FOXP1: variants seen among roughly 807,000 people sequenced by gnomAD.
The protein encoded by FOXP1 is forkhead box protein P1.
Under a neutral mutation model 98.2 loss-of-function variants are expected in FOXP1, and 15 were observed. The ratio of observed to expected loss-of-function variants is 0.15; its 90% confidence interval spans 0.10 to 0.24. The LOEUF (loss-of-function observed/expected upper bound fraction) is 0.24. Ranked by LOEUF, FOXP1 falls within the 10% of genes least tolerant of loss-of-function variation. The probability of loss-of-function intolerance (pLI) is 1.00; values close to 1 mark genes in which losing one functional copy is unlikely to be tolerated. For missense variants in FOXP1, 633 were observed against 848.5 expected (o/e 0.75, Z 3.15); for synonymous variants, 371 against 314.5 (o/e 1.18, Z -1.90).
intron 4 of FOXP1, among the ~76,000 whole-genome samples, chr3:71,341,046 A>C (rs2076979206): frequency 6.6e-6 from 1 of 152,182 alleles, no homozygotes; most frequent in Non-Finnish European, 1.5e-5. Context: ...CCACCTACCA[A>C]TCCTGGACAG....
chr3:71,297,679 G>A lies in FOXP1; in HGVS notation c.-12+2141C>T, dbSNP rs1313534095. On this transcript the variant is annotated intron_variant, in intron 5 of 20. Transcript: ENST00000649528. ...CTCCCAGCCTGCAGAACAGTGGTGC[G>A]ATCTCAGTTCACTGCAACCTCTGCC... Among the ~76,000 whole-genome samples the A allele has an allele frequency of 4.1e-5, 6 of 147,118 alleles. No individual in the cohort carries two copies. The East Asian group carries it at 6.0e-4, about 15-fold the overall frequency.
At chr3:70,995,196 T>C (rs2041195808) in intron 13 of FOXP1, among the ~76,000 whole-genome samples, 1 of 152,174 alleles carries the variant, frequency 6.6e-6, no homozygotes, top group Admixed American at 6.5e-5. Context: ...TCTGGATTCA[T>C]ATGAATTTAA....
At chr3:71,348,026 T>G (rs2077482830) in intron 4 of FOXP1, among the ~76,000 whole-genome samples, 1 of 152,216 alleles carries the variant, frequency 6.6e-6, no homozygotes, top group African/African-American at 2.4e-5. Flanking sequence ...TGAAAAAGTT[T>G]AATTTATAAA....
intron 3 of FOXP1, among the ~76,000 whole-genome samples, chr3:71,389,342 C>T (rs2080866118): frequency 6.6e-6 from 1 of 150,896 alleles, no homozygotes; most frequent in African/African-American, 2.4e-5. Flanking sequence ...TCACAAAGGC[C>T]TGCATCACTT....
At chr3:71,063,266 A>C (rs1288987) in intron 7 of FOXP1, among the ~76,000 whole-genome samples, 95,011 of 152,200 alleles carry the variant, frequency 0.62, 34,390 homozygotes, top group Middle Eastern at 0.83. Flanking sequence ...AATTTATGCA[A>C]AGGGCATCAA....
At chr3:71,390,183 G>A (rs544215262) in intron 3 of FOXP1, among the ~76,000 whole-genome samples, 19 of 152,276 alleles carry the variant, frequency 1.2e-4, no homozygotes, top group African/African-American at 3.6e-4. Flanking sequence ...GGAAAACAAC[G>A]CAATGCCTTC....
intron 5 of FOXP1, among the ~76,000 whole-genome samples, chr3:71,201,533 G>C (rs2063672374): frequency 6.6e-6 from 1 of 152,072 alleles, no homozygotes; most frequent in South Asian, 2.1e-4. Context: ...TGTAATCCCA[G>C]CTACTCGGGA....
chr3:71,083,107 G>A (rs1424001111), intron 7 of FOXP1, among the ~76,000 whole-genome samples: 1 of 152,170 alleles, frequency 6.6e-6, no homozygotes, highest in Non-Finnish European at 1.5e-5. Context: ...CAAATCTTGT[G>A]TTGAACTGTA....
chr3:71,009,414 T>C (rs754869945), intron 12 of FOXP1, among the ~76,000 whole-genome samples: 2 of 152,116 alleles, frequency 1.3e-5, no homozygotes, highest in African/African-American at 2.4e-5. Context: ...TAAGTCGAGT[T>C]GCTGTGACAG....
intron 3 of FOXP1, among the ~76,000 whole-genome samples, chr3:71,417,973 GTTT>G (rs5850011): frequency 3.3e-4 from 48 of 146,760 alleles, no homozygotes; most frequent in Admixed American, 4.8e-4. Context: ...TGTTATCCTA[GTTT>G]TTTTTTTTTC....
In FOXP1 at chr3:70,956,654, C is replaced by A. The variant is rs561616004; in HGVS notation, c.*2593G>T. Reference sequence around the variant, plus strand: ...TGAATACCAAACTAACCAGCAACCACTCAGTTTAGAAGCACAGGGCCCCCT... The same window carrying A: ...TGAATACCAAACTAACCAGCAACCAATCAGTTTAGAAGCACAGGGCCCCCT... On this transcript the variant is annotated 3_prime_UTR_variant, in exon 21 of 21. Coordinates refer to ENST00000649528, the MANE Select transcript of FOXP1 (RefSeq NM_001349338.3). The A allele has an allele frequency of 1.4e-5, 3 of 215,308 alleles. No individual in the cohort carries two copies. The highest frequency in any genetic ancestry group is 2.8e-5 in the Non-Finnish European group (3 of 107,962). The allele number at this position is 215,308 out of a possible 1,614,324, so 13.3% of individuals were successfully genotyped here. A position where few individuals can be genotyped will look rare whatever the true frequency, so the allele number is the denominator to read the frequency against.
chr3:71,489,947 A>G (rs1357925924), intron 3 of FOXP1, among the ~76,000 whole-genome samples: 1 of 152,200 alleles, frequency 6.6e-6, no homozygotes, highest in Non-Finnish European at 1.5e-5. Flanking sequence ...TACCAGGAGG[A>G]CACTTACCAT....
chr3:71,007,259 TTTCATCCTCATCTTCTC>T (rs2042923770), intron 12 of FOXP1, among the ~76,000 whole-genome samples: 1 of 152,108 alleles, frequency 6.6e-6, no homozygotes, highest in South Asian at 2.1e-4. Flanking sequence ...TGGGGAAAAT[TTTCATCCTCATCTTCTC>T]GAGATTTAAA....
intron 4 of FOXP1, among the ~76,000 whole-genome samples, chr3:71,325,905 G>A (rs2075662001): frequency 6.6e-6 from 1 of 152,138 alleles, no homozygotes; most frequent in South Asian, 2.1e-4. Context: ...GAGAACGCCT[G>A]ATGAATGTAT....
chr3:71,142,637 C>G (rs2060124030), intron 6 of FOXP1, among the ~76,000 whole-genome samples: 1 of 152,146 alleles, frequency 6.6e-6, no homozygotes, highest in Middle Eastern at 3.2e-3. Context: ...GTCCTACAGC[C>G]AGAAGGAAAT....
chr3:71,142,534 C>T (rs1008250168), intron 6 of FOXP1, among the ~76,000 whole-genome samples: 9 of 152,146 alleles, frequency 5.9e-5, no homozygotes, highest in African/African-American at 1.7e-4. Context: ...ACTGGCTTCA[C>T]GATGGAAGAG....
At chr3:71,057,469 C>CA (rs200696075) in intron 7 of FOXP1, among the ~76,000 whole-genome samples, 907 of 86,898 alleles carry the variant, frequency 0.01, 8 homozygotes, top group Middle Eastern at 0.036. Flanking sequence ...AAATATAAGG[C>CA]AAAAAAAAAA....
chr3:71,059,475 T>C (rs982175203), intron 7 of FOXP1, among the ~76,000 whole-genome samples: 15 of 152,288 alleles, frequency 9.8e-5, no homozygotes, highest in African/African-American at 2.6e-4. Flanking sequence ...TGCATAAAAA[T>C]GTAAAGTTTA....
intron 7 of FOXP1, among the ~76,000 whole-genome samples, chr3:71,084,441 A>G: frequency 6.6e-6 from 1 of 151,756 alleles, no homozygotes; most frequent in East Asian, 1.9e-4. Context: ...TGAATCTGAT[A>G]GTTTATTTTT....
Sources: gnomAD v4.1 joint callset for allele counts (sites outside exome capture counted in the v4.1 genomes callset) on GRCh38, gnomAD v4.1.1 for gene constraint, MANE v1.5 for transcripts, NCBI Gene and HGNC (gene_info 2026-07-23, HGNC 2026-07-21) for gene names.